Variants in ARHGAP35 observed in about 807,000 individuals in gnomAD.
ARHGAP35 encodes rho GTPase-activating protein 35.
ARHGAP35 carries 15 observed loss-of-function variants against 111.1 expected under a neutral mutation model. That is an observed-to-expected ratio of 0.13 (90% confidence interval 0.09 to 0.21). The LOEUF (loss-of-function observed/expected upper bound fraction) is 0.21, where lower values mean the gene tolerates loss of function less well. Among genes scored for constraint, ARHGAP35 ranks in the 10% least tolerant of loss-of-function variants. The pLI is 1.00. For missense variants in ARHGAP35, 1,262 were observed against 1,873.0 expected (o/e 0.67, Z 6.02); for synonymous variants, 643 against 710.3 (o/e 0.91, Z 1.51).
Position 47,004,423 on chromosome 19 carries a change from G to GC in ARHGAP35, c.*3735_*3736insC, listed in dbSNP as rs2056765562. 2.0e-5 allele frequency: 3 copies of GC among 152,370 alleles called. No homozygotes were observed. Among genetic ancestry groups the GC allele is most frequent in the Non-Finnish European group, 4.4e-5 (3 of 68,050 alleles). 9.4% of individuals were successfully genotyped at this position (152,370 alleles called of 1,614,324 possible). ...TGGCCTCCCCCAGCCCTCCCGTGGC[G>GC]GAGCCGGCAGCGATGCTACAGGCCT... On this transcript the variant is annotated 3_prime_UTR_variant, in exon 7 of 7. Transcript: ENST00000672722.
intron 1 of ARHGAP35, among the ~76,000 whole-genome samples, chr19:46,868,873 T>G (rs574061956): frequency 1.3e-5 from 2 of 151,476 alleles, no homozygotes; most frequent in African/African-American, 2.4e-5. Context: ...TCTTGAGTTA[T>G]TTAGGTGGAG....
rs558476191 is a variant in ARHGAP35 at position 46,999,196 on chromosome 19, T to A, written c.4037-108T>A. The A allele has an allele frequency of 2.2e-4, 159 of 723,110 alleles. 1 individual carries two copies. The highest frequency in any genetic ancestry group is 2.1e-3 in the Middle Eastern group (7 of 3,322). 44.8% of individuals were successfully genotyped at this position (723,110 alleles called of 1,614,324 possible). On this transcript the variant is annotated intron_variant, in intron 5 of 6. Coordinates refer to ENST00000672722, the MANE Select transcript of ARHGAP35 (RefSeq NM_004491.5). The surrounding 1 kb of genome is among the most constrained non-coding windows in gnomAD (Gnocchi z 5.4). ...GGGGGAAAGAGTGGGGTTAGTGTCATCCAAAAGCCCTGGGCTGTCCTCAGA... is the reference window on the plus strand; with the variant it reads ...GGGGGAAAGAGTGGGGTTAGTGTCAACCAAAAGCCCTGGGCTGTCCTCAGA...
intron 1 of ARHGAP35, among the ~76,000 whole-genome samples, chr19:46,892,551 G>A (rs1257732964): frequency 6.6e-6 from 1 of 150,462 alleles, no homozygotes; most frequent in Non-Finnish European, 1.5e-5. Context: ...TCCTGAAATT[G>A]TCCATTATAA....
intron 3 of ARHGAP35, among the ~76,000 whole-genome samples, chr19:46,974,649 A>G (rs1448454221): frequency 1.3e-5 from 2 of 152,094 alleles, no homozygotes; most frequent in African/African-American, 4.8e-5. Context: ...GAGGGTGTTT[A>G]TGGCGTTTCT....
At chr19:46,864,570 G>A (rs1336507646) in intron 1 of ARHGAP35, among the ~76,000 whole-genome samples, 4 of 152,316 alleles carry the variant, frequency 2.6e-5, no homozygotes, top group South Asian at 4.1e-4. Context: ...AACATTCACT[G>A]TCATCTACAG....
chr19:46,871,749 C>T, intron 1 of ARHGAP35, among the ~76,000 whole-genome samples: 1 of 151,918 alleles, frequency 6.6e-6, no homozygotes, highest in East Asian at 2.0e-4. Context: ...GAGGCCTAGG[C>T]AGGCGGATCA....
chr19:46,870,985 C>T (rs979180643), intron 1 of ARHGAP35, among the ~76,000 whole-genome samples: 1 of 152,008 alleles, frequency 6.6e-6, no homozygotes, highest in African/African-American at 2.4e-5. Flanking sequence ...CTTACTGAGC[C>T]GGAAATTATT....
intron 3 of ARHGAP35, among the ~76,000 whole-genome samples, chr19:46,939,372 C>CATTTATTTATTT (rs60855006): frequency 2.1e-5 from 3 of 145,318 alleles, no homozygotes; most frequent in Non-Finnish European, 4.5e-5. Flanking sequence ...TGCACCTTTA[C>CATTTATTTATTT]ATTTATTTAT....
chr19:46,960,710 T>G (rs1310138715), intron 3 of ARHGAP35, among the ~76,000 whole-genome samples: 2 of 152,214 alleles, frequency 1.3e-5, no homozygotes, highest in Admixed American at 1.3e-4. Context: ...CAGAGCTTTC[T>G]GTATATGTGT....
At chr19:46,883,470 T>C (rs980796725) in intron 1 of ARHGAP35, among the ~76,000 whole-genome samples, 1 of 152,152 alleles carries the variant, frequency 6.6e-6, no homozygotes, top group Non-Finnish European at 1.5e-5. Context: ...TTAGAACACA[T>C]ACAACATTTT....
At chr19:46,876,088 G>A (rs188214964) in intron 1 of ARHGAP35, among the ~76,000 whole-genome samples, 29 of 152,118 alleles carry the variant, frequency 1.9e-4, no homozygotes, top group African/African-American at 5.8e-4. Context: ...TAGGCACGTC[G>A]TCTTAAAAAG....
intron 3 of ARHGAP35, among the ~76,000 whole-genome samples, chr19:46,939,802 A>G (rs2056334317): frequency 6.6e-6 from 1 of 152,132 alleles, no homozygotes; most frequent in Non-Finnish European, 1.5e-5. Flanking sequence ...TAGGAAATCA[A>G]CATTGATCTA....
chr19:46,903,224 T>G (rs1020486958), intron 1 of ARHGAP35, among the ~76,000 whole-genome samples: 1 of 152,224 alleles, frequency 6.6e-6, no homozygotes, highest in African/African-American at 2.4e-5. Flanking sequence ...AAACCCTCTC[T>G]TCATTCTGCA....
intron 5 of ARHGAP35, among the ~76,000 whole-genome samples, chr19:46,995,136 A>C (rs2056700526): frequency 1.3e-5 from 2 of 152,134 alleles, no homozygotes; most frequent in Admixed American, 1.3e-4. Flanking sequence ...GTACAGTGTG[A>C]CTGGGTACAG....
At chr19:46,939,543 A>G (rs1283866066) in intron 3 of ARHGAP35, among the ~76,000 whole-genome samples, 3 of 151,786 alleles carry the variant, frequency 2.0e-5, no homozygotes, top group Non-Finnish European at 2.9e-5. Flanking sequence ...CTGAGTAGCT[A>G]GGATTACCGG....
At chr19:46,995,458 CCCTGT>C (rs2056702286) in intron 5 of ARHGAP35, among the ~76,000 whole-genome samples, 3 of 152,228 alleles carry the variant, frequency 2.0e-5, no homozygotes, top group African/African-American at 7.2e-5. Flanking sequence ...GCCCCCCATC[CCCTGT>C]CCTGTCAGAG....
At position 47,000,338 on chromosome 19, in the gene ARHGAP35, CACA is replaced by C. The variant is rs747365647; in HGVS notation, c.4158_4160del (p.Asn1386del). ...GTTTGGTGTCGCCCGCAGGGTCAGCCACAACAACAAGGTGAATCTCATGACCAG... is the reference window on the plus strand; with the variant it reads ...GTTTGGTGTCGCCCGCAGGGTCAGCCACAACAAGGTGAATCTCATGACCAG... On this transcript the variant is annotated inframe_deletion, in exon 7 of 7. Coordinates refer to ENST00000672722, the MANE Select transcript of ARHGAP35 (RefSeq NM_004491.5). The surrounding 1 kb of genome is among the most constrained non-coding windows in gnomAD (Gnocchi z 6.9). 9 of 1,613,676 alleles carry C rather than the reference CACA, an allele frequency of 5.6e-6. No individual in the cohort carries two copies. The highest frequency in any genetic ancestry group is 2.2e-5 in the South Asian group (2 of 91,062).
chr19:46,901,640 G>A lies in ARHGAP35; in HGVS notation c.-188-16848G>A, dbSNP rs574960701. Among the ~76,000 whole-genome samples the A allele has an allele frequency of 2.6e-5, 4 of 152,202 alleles. No homozygotes were observed. The highest frequency in any genetic ancestry group is 6.5e-5 in the Admixed American group (1 of 15,284). On this transcript the variant is annotated intron_variant, in intron 1 of 6. Coordinates refer to ENST00000672722, the MANE Select transcript of ARHGAP35 (RefSeq NM_004491.5). The surrounding 1 kb of genome is among the most constrained non-coding windows in gnomAD (Gnocchi z 4.5). The stretch of plus-strand genomic sequence containing the variant: ...GCAAGAGTATACATGTGAAGAACGC[G>A]TAAGGCTGTGGGGATCCAGGCGATC...
chr19:46,898,675 C>G (rs1343163967), intron 1 of ARHGAP35, among the ~76,000 whole-genome samples: 1 of 152,198 alleles, frequency 6.6e-6, no homozygotes, highest in Non-Finnish European at 1.5e-5. Flanking sequence ...TACAAAGGTG[C>G]TGGAAAGGCT....
Sources: allele counts gnomAD v4.1 joint callset (sites outside exome capture counted in the v4.1 genomes callset), GRCh38; gene constraint gnomAD v4.1.1; non-coding constraint Gnocchi (gnomAD v3.1); transcripts MANE v1.5; gene names NCBI Gene and HGNC (gene_info 2026-07-23, HGNC 2026-07-21).